The following LARS1 variants were observed in gnomAD, a reference collection of about 807,000 sequenced individuals.
LARS1 encodes leucine--tRNA ligase, cytoplasmic.
A neutral mutation model predicts 162.8 loss-of-function variants in LARS1; 100 were observed. That is an observed-to-expected ratio of 0.61 (90% CI 0.52 to 0.73). The LOEUF (loss-of-function observed/expected upper bound fraction) is 0.73. LARS1 is among the 30% of genes least tolerant of loss of function. The pLI, the probability that LARS1 is intolerant of heterozygous loss-of-function variation, is 0.00. For synonymous variants in LARS1, 457 were observed against 462.8 expected, an observed-to-expected ratio of 0.99 and a Z score of 0.16; for missense variants, 1,258 against 1,408.9, an observed-to-expected ratio of 0.89 and a Z score of 1.71.
intron 8 of LARS1, 24 bp downstream of exon 8, chr5:146,159,383 C>T (rs761536429): frequency 1.9e-6 from 3 of 1,568,708 alleles, no homozygotes; most frequent in African/African-American, 2.7e-5. Flanking sequence ...ATTATAATAG[C>T]TACTCTGTCT....
At chr5:146,180,501 C>T (rs1446663151) in intron 1 of LARS1, among the ~76,000 whole-genome samples, 2 of 151,030 alleles carry the variant, frequency 1.3e-5, no homozygotes, top group African/African-American at 2.4e-5. Context: ...AATGAGACTC[C>T]ATTTCAAAAA....
intron 5 of LARS1, 50 bp from the exon 6 acceptor site, chr5:146,164,521 C>A (rs1561827326): frequency 6.4e-7 from 1 of 1,555,004 alleles, no homozygotes; most frequent in Non-Finnish European, 8.8e-7. Flanking sequence ...ACCAACACTC[C>A]AGGAAAATGA....
Position 146,164,346 on chromosome 5 carries a change from T to C in LARS1, c.558A>G (p.Pro186=). ...TTCTTTTTAAATCCTGAATAGCCAG[T>C]GGCGGGAAATAATCAAGCCAATGTT... ...EAEHWLDYFP[P]LAIQDLKRMG... The change falls in exon 6 of 32, where the codon CCA becomes CCG. Residue 186 remains proline (P), a synonymous_variant. Coordinates refer to ENST00000394434, the MANE Select transcript of LARS1 (RefSeq NM_020117.11). 6.2e-7 allele frequency: 1 copy of C among 1,614,142 alleles called. No individual in the cohort carries two copies. Among genetic ancestry groups the C allele is most frequent in the Non-Finnish European group, 8.5e-7 (1 of 1,179,994 alleles).
At chr5:146,139,438 GTC>G (rs781496639) in intron 21 of LARS1, among the ~76,000 whole-genome samples, 3 of 151,606 alleles carry the variant, frequency 2.0e-5, no homozygotes, top group African/African-American at 4.9e-5. Context: ...CCCTGTCTCT[GTC>G]TCTCTTTTTC....
rs763081563 is a variant in LARS1, at chr5:146,128,705, A to G, written c.2847T>C (p.His949=). ...GTTTACGTAGAACAGACAGGGTGGT[A>G]TGTTGCCAAGGTGGATAGTTCTTTG... ...YVAKNYPPWQ[H]TTLSVLRKHF... Residue 949 remains histidine (H), a synonymous_variant, in exon 27 of 32, where the codon CAT becomes CAC. Transcript: ENST00000394434. 1.3e-6 allele frequency: 2 copies of G among 1,589,700 alleles called. No homozygotes were observed. The highest frequency in any genetic ancestry group is 8.5e-7 in the Non-Finnish European group (1 of 1,173,424).
chr5:146,179,921 A>G (rs1261625361), intron 1 of LARS1, among the ~76,000 whole-genome samples: 1 of 152,168 alleles, frequency 6.6e-6, no homozygotes, highest in African/African-American at 2.4e-5. Context: ...CTTTATTACT[A>G]AATTCCTCCT....
intron 20 of LARS1, among the ~76,000 whole-genome samples, chr5:146,141,713 G>GT (rs1178746132): frequency 6.6e-6 from 1 of 152,164 alleles, no homozygotes; most frequent in Non-Finnish European, 1.5e-5. Flanking sequence ...TGAGGATCAC[G>GT]TGAGTCTGCG....
chr5:146,126,392 C>T lies in LARS1; in HGVS notation c.2991+43G>A, dbSNP rs779924888. The T allele has an allele frequency of 1.9e-5, 23 of 1,209,252 alleles. No homozygotes were observed. The Admixed American group carries it at 3.8e-4, about 20-fold the overall frequency. 74.9% of individuals were successfully genotyped at this position (1,209,252 alleles called of 1,614,324 possible). A position where few individuals can be genotyped will look rare whatever the true frequency, so the allele number is the denominator to read the frequency against. On this transcript the variant is annotated intron_variant, in intron 28 of 31. Coordinates refer to ENST00000394434, the MANE Select transcript of LARS1 (RefSeq NM_020117.11). ...CCCATCCTTCTATTGTCCCATCTAA[C>T]CATTGCTCATGTGGTCACAGCTGCA...
At chr5:146,164,289 A>G in intron 6 of LARS1, 21 bp downstream of exon 6, 2 of 1,568,572 alleles carry the variant, frequency 1.3e-6, no homozygotes, top group Non-Finnish European at 1.7e-6. Context: ...TGCTTTCCTC[A>G]TATTTCCTTT....
intron 1 of LARS1, among the ~76,000 whole-genome samples, chr5:146,181,507 A>T (rs1382633736): frequency 6.6e-6 from 1 of 152,048 alleles, no homozygotes; most frequent in Non-Finnish European, 1.5e-5. Context: ...ACAAAAAATT[A>T]GCAGGGTGTA....
At chr5:146,140,163 T>C in intron 21 of LARS1, 41 bp downstream of exon 21, 1 of 1,496,444 alleles carries the variant, frequency 6.7e-7, no homozygotes, top group Non-Finnish European at 9.3e-7. Context: ...CTGAAAAGCC[T>C]TCCACAGAAT....
chr5:146,133,528 T>C (rs976856808), intron 22 of LARS1, among the ~76,000 whole-genome samples: 2 of 152,182 alleles, frequency 1.3e-5, no homozygotes, highest in African/African-American at 4.8e-5. Context: ...TTTCTCAGTT[T>C]TGAAACTAGG....
chr5:146,149,644 A>G lies in LARS1; in HGVS notation c.1481T>C (p.Ile494Thr). The G allele has an allele frequency of 6.2e-7, 1 of 1,612,954 alleles. No homozygotes were observed. ...TACAGCGTCAATCATCTTTTTCTGA[A>G]TAGTCTTCTTTACATCTTGAACCTT... ...GQKVQDVKKT[I>T]QKKMIDAGDA... The change falls in exon 15 of 32, where the codon ATT (isoleucine) becomes ACT (threonine). Residue 494 changes from isoleucine to threonine, a missense_variant. Transcript: ENST00000394434.
At chr5:146,132,513 A>C (rs1186889771) in intron 23 of LARS1, 1 of 159,340 alleles carries the variant, frequency 6.3e-6, no homozygotes, top group African/African-American at 2.4e-5. Context: ...ATTTTGCCCT[A>C]CTCGAAAACA....
chr5:146,174,892 TG>T (rs893043079), intron 2 of LARS1, among the ~76,000 whole-genome samples: 9 of 151,500 alleles, frequency 5.9e-5, no homozygotes, highest in African/African-American at 2.2e-4. Context: ...AAGACTAGCC[TG>T]GGCAAGACAG....
At chr5:146,174,527 T>C (rs1406606758) in intron 2 of LARS1, among the ~76,000 whole-genome samples, 1 of 114,648 alleles carries the variant, frequency 8.7e-6, no homozygotes, top group Non-Finnish European at 1.9e-5. Flanking sequence ...TATCCATATA[T>C]ATATATATAT....
At chr5:146,174,945 T>A (rs11955557) in intron 2 of LARS1, among the ~76,000 whole-genome samples, 2 of 151,928 alleles carry the variant, frequency 1.3e-5, no homozygotes. Context: ...CAATGCTGGG[T>A]GCAGTGGCCC....
At chr5:146,139,023 A>G in intron 21 of LARS1, 1 of 359,964 alleles carries the variant, frequency 2.8e-6, no homozygotes, top group Non-Finnish European at 5.3e-6. Context: ...ACGAAAAGTC[A>G]ATAAAAGTGG....
intron 14 of LARS1, among the ~76,000 whole-genome samples, chr5:146,150,625 T>TAAAAAAAA (rs1463501347): frequency 1.4e-5 from 1 of 69,570 alleles, no homozygotes; most frequent in Non-Finnish European, 3.5e-5. Context: ...AGACTCCGTC[T>TAAAAAAAA]CAAAAAAAAA....
Sources: gnomAD v4.1 joint callset for allele counts (sites outside exome capture counted in the v4.1 genomes callset) on GRCh38, gnomAD v4.1.1 for gene constraint, MANE v1.5 for transcripts, NCBI Gene and HGNC (gene_info 2026-07-23, HGNC 2026-07-21) for gene names.